HSPD1: variants seen among roughly 807,000 people sequenced by gnomAD.
The protein encoded by HSPD1 is 60 kDa heat shock protein, mitochondrial.
Under a neutral mutation model 53.0 loss-of-function variants are expected in HSPD1, and 3 were observed. That is an observed-to-expected ratio of 0.06 (90% CI 0.03 to 0.15). The LOEUF is 0.15. Among genes scored for constraint, HSPD1 ranks in the 10% least tolerant of loss-of-function variants. The probability of loss-of-function intolerance (pLI) is 1.00; values close to 1 mark genes in which losing one functional copy is unlikely to be tolerated. For missense variants in HSPD1, 431 were observed against 694.1 expected (o/e 0.62, Z 4.26); for synonymous variants, 200 against 228.0 (o/e 0.88, Z 1.10).
intron 8 of HSPD1, among the ~76,000 whole-genome samples, chr2:197,489,502 G>A (rs1450597594): frequency 2.6e-5 from 4 of 152,132 alleles, no homozygotes; most frequent in African/African-American, 9.7e-5. Context: ...CACACTTACT[G>A]GTAGAGCCAG....
At chr2:197,495,489 A>ATTTT in intron 3 of HSPD1, 113 bp from the exon 4 acceptor site, 2 of 538,278 alleles carry the variant, frequency 3.7e-6, no homozygotes, top group East Asian at 3.9e-5. Flanking sequence ...AAAAAAAAAA[A>ATTTT]TTTTTTTTTT....
chr2:197,487,337 A>G (rs1427013831), intron 11 of HSPD1, 139 bp from the exon 12 acceptor site: 6 of 742,584 alleles, frequency 8.1e-6, no homozygotes, highest in African/African-American at 3.5e-5. Flanking sequence ...ACTTGAGGTT[A>G]GGAGTTCAAG....
chr2:197,498,568 C>T (rs2086190767), intron 2 of HSPD1, 107 bp downstream of exon 2: 1 of 997,848 alleles, frequency 1.0e-6, no homozygotes. Context: ...AAACTGAGTT[C>T]TCTCAAAAAT....
rs748662234 is a variant in HSPD1, at chr2:197,487,154, C to G, written c.1614G>C (p.Leu538=). Residue 538 remains leucine (L), a synonymous_variant, in exon 12 of 12, where the codon CTG becomes CTC. Coordinates refer to ENST00000388968, the MANE Select transcript of HSPD1 (RefSeq NM_002156.5). ...TGACTACAACTTCTGCTGTAGTTAA[C>G]AGAGAGGCCACACCAGCAGCATCCA... ...ALLDAAGVAS[L]LTTAEVVVTE... is the part of the protein sequence containing the mutation. 6.2e-6 allele frequency: 10 copies of G among 1,611,806 alleles called. No individual in the cohort carries two copies. The Admixed American group carries it at 1.7e-4, about 27-fold the overall frequency.
At chr2:197,490,536 A>C in intron 7 of HSPD1, 1 of 501,878 alleles carries the variant, frequency 2.0e-6, no homozygotes, top group South Asian at 2.1e-5. Context: ...CCTTCTTAAT[A>C]AACTGTTGGC....
rs770513407 is a variant in HSPD1, at chr2:197,493,343, T to C, written c.850A>G (p.Ser284Gly). 6.2e-7 allele frequency: 1 copy of C among 1,613,516 alleles called. No homozygotes were observed. The highest frequency in any genetic ancestry group is 1.7e-5 in the Admixed American group (1 of 59,956). The change falls in exon 7 of 12, where the codon AGT becomes GGT. Residue 284 changes from serine (S) to glycine (G), a missense_variant. Transcript: ENST00000388968. Reference protein sequence around the residue: ...IAEDVDGEALSTLVLNRLKVG... With the variant: ...IAEDVDGEALGTLVLNRLKVG... ...TATTACCTATTCAAGACGAGTGTAC[T>C]TAGAGCTTCTCCATCAACATCTTCA... is the stretch of plus-strand genomic sequence containing the variant.
intron 2 of HSPD1, 172 bp from the exon 3 acceptor site, chr2:197,497,564 C>T: frequency 1.5e-6 from 1 of 657,854 alleles, no homozygotes; most frequent in Non-Finnish European, 2.7e-6. Context: ...CATTCTTTGT[C>T]TACAGACAAA....
chr2:197,490,416 T>TGC, intron 7 of HSPD1, 120 bp from the exon 8 acceptor site: 1 of 721,566 alleles, frequency 1.4e-6, no homozygotes, highest in Non-Finnish European at 2.4e-6. Flanking sequence ...GGTTTTTGTG[T>TGC]TTTTTTGTTT....
chr2:197,488,901 A>G, intron 9 of HSPD1, 101 bp downstream of exon 9: 1 of 1,236,376 alleles, frequency 8.1e-7, no homozygotes, highest in Non-Finnish European at 1.2e-6. Context: ...TAATTCCTCA[A>G]GTATTCGTTT....
chr2:197,490,387 T>C, intron 7 of HSPD1, 91 bp from the exon 8 acceptor site: 1 of 954,826 alleles, frequency 1.0e-6, no homozygotes, highest in Non-Finnish European at 1.7e-6. Flanking sequence ...TACTTAGGAC[T>C]CCCTAAGTAA....
Position 197,499,412 on chromosome 2 carries a change from A to C in HSPD1, c.-3+370T>G, listed in dbSNP as rs1036822005. The C allele has an allele frequency of 1.9e-5, 3 of 158,710 alleles. No homozygotes were observed. The East Asian group carries it at 5.7e-4, about 30-fold the overall frequency. 9.8% of individuals were successfully genotyped at this position (158,710 alleles called of 1,614,324 possible). On this transcript the variant is annotated intron_variant, in intron 1 of 11. Coordinates refer to ENST00000388968, the MANE Select transcript of HSPD1 (RefSeq NM_002156.5). The stretch of plus-strand genomic sequence containing the variant: ...TTTCCGAACGCCCCCAGCAAGGTCA[A>C]GACTGGAGGCGCGGTATCCCAGCTG...
At position 197,486,732 on chromosome 2, in the gene HSPD1, ATAG is replaced by A. The variant is rs1211324626; in HGVS notation, c.*311_*313del. 49 of 366,912 alleles carry A rather than the reference ATAG, an allele frequency of 1.3e-4. No homozygotes were observed. Among genetic ancestry groups the A allele is most frequent in the Non-Finnish European group, 2.4e-4 (47 of 192,182 alleles). The allele number at this position is 366,912 out of a possible 1,614,324, so 22.7% of individuals were successfully genotyped here. ...GCACTAAAATCCTGATTTTAACAGA[ATAG>A]TAGTAAAAATGCCTCAGTGATTTAA... is the stretch of plus-strand genomic sequence containing the variant. On this transcript the variant is annotated 3_prime_UTR_variant, in exon 12 of 12. Coordinates refer to ENST00000388968, the MANE Select transcript of HSPD1 (RefSeq NM_002156.5).
chr2:197,489,366 T>C, intron 8 of HSPD1, 119 bp from the exon 9 acceptor site: 3 of 1,065,174 alleles, frequency 2.8e-6, no homozygotes, highest in Non-Finnish European at 4.3e-6. Flanking sequence ...AAATGAGAGA[T>C]TTTAAGATCA....
chr2:197,490,466 G>A, intron 7 of HSPD1, 170 bp from the exon 8 acceptor site: 1 of 622,456 alleles, frequency 1.6e-6, no homozygotes, highest in Non-Finnish European at 2.9e-6. Flanking sequence ...AATTAAGACA[G>A]GAAGTATCTG....
intron 7 of HSPD1, 137 bp from the exon 8 acceptor site, chr2:197,490,433 T>G (rs951412081): frequency 2.1e-5 from 14 of 672,356 alleles, no homozygotes; most frequent in Admixed American, 1.3e-4. Context: ...GTTTTTTTTT[T>G]GCTTCCTAGC....
intron 2 of HSPD1, among the ~76,000 whole-genome samples, chr2:197,498,353 T>C (rs2086186334): frequency 1.3e-5 from 2 of 152,222 alleles, no homozygotes; most frequent in South Asian, 4.1e-4. Context: ...ACACTTGGCA[T>C]GAACTACTGG....
At chr2:197,500,267 G>T, upstream of HSPD1, 8 of 851,124 alleles carry the variant, frequency 9.4e-6, no homozygotes, top group Non-Finnish European at 1.5e-5. Context: ...CGCGGTGCGC[G>T]TCGGGGCGAC....
At chr2:197,493,139 G>A (rs1225496551) in intron 7 of HSPD1, among the ~76,000 whole-genome samples, 185 bp downstream of exon 7, 1 of 151,720 alleles carries the variant, frequency 6.6e-6, no homozygotes, top group African/African-American at 2.4e-5. Flanking sequence ...AAGACTTTGG[G>A]GTTCCTTCAA....
chr2:197,497,554 C>A, intron 2 of HSPD1, 162 bp from the exon 3 acceptor site: 1 of 680,624 alleles, frequency 1.5e-6, no homozygotes, highest in Non-Finnish European at 2.6e-6. Context: ...AGTTTATCGA[C>A]ATTCTTTGTC....
Sources: allele counts gnomAD v4.1 joint callset (sites outside exome capture counted in the v4.1 genomes callset), GRCh38; gene constraint gnomAD v4.1.1; transcripts MANE v1.5; gene names NCBI Gene and HGNC (gene_info 2026-07-23, HGNC 2026-07-21).